DISC1: variants seen among roughly 807,000 people sequenced by gnomAD.
The protein encoded by DISC1 is DISC1 scaffold protein.
DISC1 carries 57 observed loss-of-function variants against 84.5 expected under a neutral mutation model. The ratio of observed to expected loss-of-function variants is 0.67; its 90% CI spans 0.55 to 0.84. DISC1 has a LOEUF of 0.84. Among genes scored for constraint, DISC1 ranks in the 40% least tolerant of loss-of-function variants. The pLI is 0.00. For missense variants in DISC1, 1,000 were observed against 1,057.8 expected, an observed-to-expected ratio of 0.95 and a Z score of 0.76; for synonymous variants, 411 against 415.2, an observed-to-expected ratio of 0.99 and a Z score of 0.12.
intron 9 of DISC1, among the ~76,000 whole-genome samples, chr1:231,858,417 CT>C (rs2125917496): frequency 6.6e-6 from 1 of 152,282 alleles, no homozygotes; most frequent in African/African-American, 2.4e-5. Flanking sequence ...AGTTAATTTC[CT>C]GTGGATCTTT....
intron 3 of DISC1, among the ~76,000 whole-genome samples, chr1:231,721,385 C>G (rs2069670768): frequency 1.3e-5 from 2 of 151,998 alleles, no homozygotes; most frequent in Admixed American, 1.3e-4. Context: ...CTAATAAAAT[C>G]CTTAGTACCA....
chr1:231,723,555 C>T, intron 3 of DISC1: 1 of 985,480 alleles, frequency 1.0e-6, no homozygotes, highest in Non-Finnish European at 1.2e-6. Flanking sequence ...TCTGTTATAT[C>T]AGACTTCTCT....
intron 6 of DISC1, among the ~76,000 whole-genome samples, chr1:231,780,144 G>A (rs1321428933): frequency 3.3e-5 from 5 of 150,394 alleles, no homozygotes; most frequent in East Asian, 2.0e-4. Flanking sequence ...GCTAGATGAC[G>A]AGTTAGTGGG....
At chr1:232,005,077 C>A (rs1371686227) in intron 10 of DISC1, among the ~76,000 whole-genome samples, 11 of 144,326 alleles carry the variant, frequency 7.6e-5, no homozygotes, top group African/African-American at 1.5e-4. Flanking sequence ...TCCCTCCCTC[C>A]CTCCCTCCTC....
At chr1:231,638,862 T>C (rs572048440) in intron 1 of DISC1, among the ~76,000 whole-genome samples, 2 of 152,286 alleles carry the variant, frequency 1.3e-5, no homozygotes, top group African/African-American at 4.8e-5. Context: ...GCAGGGAAAG[T>C]GTGAATCATC....
chr1:231,721,629 T>C (rs1443491900), intron 3 of DISC1, among the ~76,000 whole-genome samples: 1 of 152,090 alleles, frequency 6.6e-6, no homozygotes, highest in Non-Finnish European at 1.5e-5. Flanking sequence ...ATTTTTTGGA[T>C]CCATGTATTC....
intron 8 of DISC1, among the ~76,000 whole-genome samples, chr1:231,803,978 A>G (rs12742820): frequency 2.8e-5 from 4 of 145,254 alleles, no homozygotes; most frequent in African/African-American, 1.0e-4. Flanking sequence ...AAAAAAAGCC[A>G]CAGTGTCTTG....
chr1:231,767,075 A>G, intron 4 of DISC1, 65 bp from the exon 5 acceptor site: 2 of 1,599,852 alleles, frequency 1.3e-6, no homozygotes, highest in Non-Finnish European at 1.7e-6. Flanking sequence ...TACTCTTAAA[A>G]TACTTGTCAA....
At chr1:231,843,735 G>A (rs2083248091) in intron 9 of DISC1, among the ~76,000 whole-genome samples, 1 of 152,200 alleles carries the variant, frequency 6.6e-6, no homozygotes, top group Non-Finnish European at 1.5e-5. Context: ...TGGACCACCG[G>A]TGGGGGGTAT....
At chr1:231,784,376 C>G (rs953184742) in intron 6 of DISC1, among the ~76,000 whole-genome samples, 3 of 151,956 alleles carry the variant, frequency 2.0e-5, no homozygotes, top group African/African-American at 7.3e-5. Flanking sequence ...GTGGAAGACA[C>G]AGTATCCTTG....
intron 3 of DISC1, among the ~76,000 whole-genome samples, chr1:231,742,465 C>T (rs2073409065): frequency 6.6e-6 from 1 of 152,114 alleles, no homozygotes; most frequent in Non-Finnish European, 1.5e-5. Flanking sequence ...ATGCCCTTTT[C>T]TAATCATAAG....
At chr1:231,872,639 G>A (rs1218173995) in intron 9 of DISC1, among the ~76,000 whole-genome samples, 2 of 151,408 alleles carry the variant, frequency 1.3e-5, no homozygotes, top group African/African-American at 4.9e-5. Flanking sequence ...CATACTGTTT[G>A]CCTTTGTGTC....
chr1:231,788,975 C>T (rs1383983598), intron 6 of DISC1, among the ~76,000 whole-genome samples: 1 of 148,778 alleles, frequency 6.7e-6, no homozygotes, highest in Non-Finnish European at 1.5e-5. Flanking sequence ...ACACTGTGTA[C>T]CAAACACTTC....
At chr1:231,749,222 C>CT (rs990193601) in intron 3 of DISC1, among the ~76,000 whole-genome samples, 1 of 151,888 alleles carries the variant, frequency 6.6e-6, no homozygotes, top group African/African-American at 2.4e-5. Context: ...TGCCTTGGTC[C>CT]TTTTTTTTGG....
chr1:231,690,174 C>A (rs183525546), intron 1 of DISC1, among the ~76,000 whole-genome samples: 1 of 152,124 alleles, frequency 6.6e-6, no homozygotes, highest in Non-Finnish European at 1.5e-5. Context: ...CCAATCAGAG[C>A]TTGTTGGGCT....
intron 3 of DISC1, chr1:231,723,729 G>A (rs999900899): frequency 3.0e-6 from 3 of 985,306 alleles, no homozygotes; most frequent in Non-Finnish European, 3.6e-6. Flanking sequence ...CCCTTCCCTG[G>A]CAGACAGACT....
At chr1:231,965,340 C>G (rs1019849764) in intron 10 of DISC1, among the ~76,000 whole-genome samples, 1 of 151,934 alleles carries the variant, frequency 6.6e-6, no homozygotes, top group Non-Finnish European at 1.5e-5. Context: ...TTCCAATTTC[C>G]ACCTGTTTTA....
chr1:231,695,867 C>T (rs1483987745), intron 2 of DISC1, among the ~76,000 whole-genome samples: 2 of 152,102 alleles, frequency 1.3e-5, no homozygotes, highest in East Asian at 1.9e-4. Flanking sequence ...TGTTTCTAGC[C>T]CTGTCCCTGT....
At position 231,694,031 on chromosome 1, in the gene DISC1, A is replaced by G. The variant is rs529902979; in HGVS notation, c.273A>G (p.Arg91=). ...CCAGACAGTGTGGCCTTGACTCGAG[A>G]GGCCTCTTGGTCCGGAGCCCTGTTT... The part of the protein sequence containing the change: ...SRARQCGLDS[R]GLLVRSPVSK... Residue 91 remains arginine (R), a synonymous_variant, in exon 2 of 13, where the codon AGA becomes AGG. Coordinates refer to ENST00000439617, the MANE Select transcript of DISC1 (RefSeq NM_018662.3). The G allele has an allele frequency of 6.2e-7, 1 of 1,614,152 alleles. No homozygotes were observed. The highest frequency in any genetic ancestry group is 1.1e-5 in the South Asian group (1 of 91,070).
Sources: allele counts gnomAD v4.1 joint callset (sites outside exome capture counted in the v4.1 genomes callset), GRCh38; gene constraint gnomAD v4.1.1; transcripts MANE v1.5; gene names NCBI Gene and HGNC (gene_info 2026-07-23, HGNC 2026-07-21).